Variants in CPA6 observed in about 807,000 individuals in gnomAD.
The protein encoded by CPA6 is carboxypeptidase B.
A neutral mutation model predicts 63.3 loss-of-function variants in CPA6; 58 were observed. The observed-to-expected ratio is 0.92, with a 90% CI of 0.74 to 1.14. The LOEUF (loss-of-function observed/expected upper bound fraction) is 1.14, where lower values mean the gene tolerates loss of function less well. CPA6 is among the 50% of genes most tolerant of loss of function. The pLI is 0.00. For synonymous variants in CPA6, 185 were observed against 179.0 expected (o/e 1.03, Z -0.27); for missense variants, 565 against 526.6 (o/e 1.07, Z -0.71).
At chr8:67,540,650 A>C (rs997733310) in intron 2 of CPA6, among the ~76,000 whole-genome samples, 1 of 152,310 alleles carries the variant, frequency 6.6e-6, no homozygotes, top group South Asian at 2.1e-4. Flanking sequence ...TGGGAGTTTT[A>C]TCTATAAGCC....
intron 8 of CPA6, among the ~76,000 whole-genome samples, chr8:67,477,246 C>T (rs192053703): frequency 0.034 from 4,580 of 134,678 alleles, 248 homozygotes; most frequent in African/African-American, 0.12. Context: ...GCTGAGATTG[C>T]ACCACTGCAC....
chr8:67,593,120 T>G (rs1814182840), intron 2 of CPA6, among the ~76,000 whole-genome samples: 1 of 150,738 alleles, frequency 6.6e-6, no homozygotes, highest in Admixed American at 6.6e-5. Flanking sequence ...ACATCTTTAT[T>G]TCTGCCTTCA....
chr8:67,703,567 C>T (rs1388167748), intron 1 of CPA6, among the ~76,000 whole-genome samples: 7 of 152,258 alleles, frequency 4.6e-5, no homozygotes, highest in African/African-American at 1.4e-4. Context: ...TTTTACTTTG[C>T]ATGCTGCATG....
intron 1 of CPA6, among the ~76,000 whole-genome samples, chr8:67,632,242 C>A (rs1013907024): frequency 1.3e-5 from 2 of 152,120 alleles, no homozygotes; most frequent in South Asian, 2.1e-4. Flanking sequence ...ATGATCACAG[C>A]TCACTGTAAC....
At chr8:67,653,043 A>G (rs1234956373) in intron 1 of CPA6, among the ~76,000 whole-genome samples, 2 of 152,158 alleles carry the variant, frequency 1.3e-5, no homozygotes, top group African/African-American at 4.8e-5. Context: ...CAAAGATCAG[A>G]TGGTTGTAGA....
intron 4 of CPA6, among the ~76,000 whole-genome samples, chr8:67,510,555 C>T (rs1028598580): frequency 6.6e-6 from 1 of 152,008 alleles, no homozygotes; most frequent in Non-Finnish European, 1.5e-5. Flanking sequence ...TTTAAGCTTC[C>T]AAAACATGTT....
intron 6 of CPA6, among the ~76,000 whole-genome samples, chr8:67,487,356 T>A (rs1308177290): frequency 6.6e-6 from 1 of 152,146 alleles, no homozygotes; most frequent in African/African-American, 2.4e-5. Context: ...TCCAGCTTCA[T>A]CCATGTCCCT....
At chr8:67,673,385 TTTA>T (rs1554532398) in intron 1 of CPA6, among the ~76,000 whole-genome samples, 4 of 133,250 alleles carry the variant, frequency 3.0e-5, no homozygotes, top group African/African-American at 1.3e-4. Context: ...TTATTATTTA[TTTA>T]TTTTTTTTTT....
chr8:67,574,191 A>C (rs1172889844), intron 2 of CPA6, among the ~76,000 whole-genome samples: 1 of 151,928 alleles, frequency 6.6e-6, no homozygotes, highest in African/African-American at 2.4e-5. Context: ...CAGCCTGGGC[A>C]ATATGGTAAA....
intron 7 of CPA6, 152 bp from the exon 8 acceptor site, chr8:67,484,010 T>G: frequency 1.5e-6 from 1 of 659,320 alleles, no homozygotes; most frequent in Non-Finnish European, 2.6e-6. Context: ...GAGCACTGGA[T>G]TAGTAGTGGA....
intron 2 of CPA6, among the ~76,000 whole-genome samples, chr8:67,574,634 G>C (rs1813576568): frequency 6.6e-6 from 1 of 152,044 alleles, no homozygotes; most frequent in Non-Finnish European, 1.5e-5. Flanking sequence ...ATATACAATG[G>C]GAAAAGGACA....
intron 2 of CPA6, among the ~76,000 whole-genome samples, chr8:67,617,278 T>C (rs1814979571): frequency 6.6e-6 from 1 of 152,226 alleles, no homozygotes; most frequent in South Asian, 2.1e-4. Context: ...TCTTAATATG[T>C]ATTTGTTATT....
intron 1 of CPA6, among the ~76,000 whole-genome samples, chr8:67,651,474 C>T (rs1815835796): frequency 6.6e-6 from 1 of 151,962 alleles, no homozygotes. Flanking sequence ...TTTTAATGCT[C>T]AATATTTTAT....
intron 1 of CPA6, among the ~76,000 whole-genome samples, chr8:67,725,263 C>T (rs1474460675): frequency 6.6e-6 from 1 of 152,158 alleles, no homozygotes; most frequent in Non-Finnish European, 1.5e-5. Context: ...CTTCACAAAA[C>T]AGGTGCTTTT....
At chr8:67,543,544 T>A (rs971715097) in intron 2 of CPA6, among the ~76,000 whole-genome samples, 1 of 152,176 alleles carries the variant, frequency 6.6e-6, no homozygotes, top group Non-Finnish European at 1.5e-5. Flanking sequence ...GAAGACAGAT[T>A]TCCTTGGGAG....
chr8:67,477,015 T>C (rs948897832), intron 8 of CPA6, among the ~76,000 whole-genome samples: 4 of 151,990 alleles, frequency 2.6e-5, no homozygotes, highest in African/African-American at 9.7e-5. Flanking sequence ...CTAAGGCCAG[T>C]TGCGGTGGCT....
intron 1 of CPA6, among the ~76,000 whole-genome samples, chr8:67,738,021 A>G (rs1322573085): frequency 1.3e-5 from 2 of 151,582 alleles, no homozygotes; most frequent in Non-Finnish European, 2.9e-5. Flanking sequence ...TGTCATTTAT[A>G]GAAGAAAAAA....
intron 1 of CPA6, among the ~76,000 whole-genome samples, chr8:67,700,077 G>C (rs1011331426): frequency 6.6e-6 from 1 of 152,228 alleles, no homozygotes. Flanking sequence ...ATAATCGTGA[G>C]GTTTATAAAA....
In CPA6 at chr8:67,476,340, A is replaced by G. The variant is rs531977417; in HGVS notation, c.838+7428T>C. ...CTTTCCATGAAAATGTGGGCTACAA[A>G]AATCTGCCTTCACGGGAAGATGCCA... On this transcript the variant is annotated intron_variant, in intron 8 of 10. Transcript: ENST00000297770. Among the ~76,000 whole-genome samples, 5 of 152,250 alleles carry G rather than the reference A, an allele frequency of 3.3e-5. No individual in the cohort carries two copies. In the East Asian group the frequency reaches 5.8e-4, roughly 18 times the overall value.
Sources: gnomAD v4.1 joint callset for allele counts (sites outside exome capture counted in the v4.1 genomes callset) on GRCh38, gnomAD v4.1.1 for gene constraint, MANE v1.5 for transcripts, NCBI Gene and HGNC (gene_info 2026-07-23, HGNC 2026-07-21) for gene names.